Variants in AUTS2 observed in about 807,000 individuals in gnomAD.
AUTS2 encodes autism susceptibility gene 2 protein.
AUTS2 carries 17 observed loss-of-function variants against 112.4 expected under a neutral mutation model. The ratio of observed to expected loss-of-function variants is 0.15; its 90% confidence interval spans 0.10 to 0.23. The LOEUF (loss-of-function observed/expected upper bound fraction) is 0.23. Among genes scored for constraint, AUTS2 ranks in the 10% least tolerant of loss-of-function variants. The pLI is 1.00. For missense variants in AUTS2, 1,510 were observed against 1,701.6 expected, an observed-to-expected ratio of 0.89 and a Z score of 1.98; for synonymous variants, 751 against 702.7, an observed-to-expected ratio of 1.07 and a Z score of -1.09.
intron 2 of AUTS2, among the ~76,000 whole-genome samples, chr7:69,930,130 G>GT (rs1377070388): frequency 6.6e-6 from 1 of 152,158 alleles, no homozygotes; most frequent in Non-Finnish European, 1.5e-5. Context: ...TGAAGTATGA[G>GT]TTTTTTAGTC....
intron 1 of AUTS2, among the ~76,000 whole-genome samples, chr7:69,653,552 A>G (rs1344275068): frequency 1.3e-5 from 2 of 152,160 alleles, no homozygotes; most frequent in East Asian, 1.9e-4. Flanking sequence ...ACACACCTGA[A>G]GCAAGAAATG....
intron 6 of AUTS2, among the ~76,000 whole-genome samples, chr7:70,749,947 G>C (rs933295686): frequency 6.6e-6 from 1 of 152,250 alleles, no homozygotes; most frequent in African/African-American, 2.4e-5. Context: ...TACACTCCAA[G>C]TGACAGCTGT....
chr7:70,343,748 G>T (rs1334853612), intron 4 of AUTS2, among the ~76,000 whole-genome samples: 1 of 152,116 alleles, frequency 6.6e-6, no homozygotes, highest in East Asian at 1.9e-4. Flanking sequence ...AGGGGATTAT[G>T]TTTTCCTAAT....
intron 2 of AUTS2, among the ~76,000 whole-genome samples, chr7:69,940,377 T>A (rs1406731131): frequency 2.6e-5 from 4 of 152,002 alleles, no homozygotes; most frequent in Non-Finnish European, 5.9e-5. Context: ...GAAGGATGAG[T>A]AGGTGCTCTC....
intron 1 of AUTS2, among the ~76,000 whole-genome samples, chr7:69,649,426 A>G (rs978863179): frequency 4.6e-5 from 7 of 152,140 alleles, no homozygotes. Context: ...CTTAACTCTT[A>G]AAGAGTGGAC....
At position 70,053,544 on chromosome 7, in the gene AUTS2, G is replaced by GTTTTTT. The variant is rs200867539; in HGVS notation, c.523-64581_523-64576dup. Among the ~76,000 whole-genome samples, 346 of 127,828 alleles carry GTTTTTT rather than the reference G, an allele frequency of 2.7e-3. 15 individuals carry two copies. The highest frequency in any genetic ancestry group is 4.2e-3 in the Middle Eastern group (1 of 238). 83.9% of individuals were successfully genotyped at this position (127,828 alleles called of 152,430 possible). ...ATTGTGGCAACCACTGTTTTGGGTG[G>GTTTTTT]TTTTTTTTTTTTGGAGACAGGATCT... On this transcript the variant is annotated intron_variant, in intron 2 of 18. Coordinates refer to ENST00000342771, the MANE Select transcript of AUTS2 (RefSeq NM_015570.4).
intron 4 of AUTS2, among the ~76,000 whole-genome samples, chr7:70,229,592 A>T (rs763749173): frequency 5.3e-5 from 8 of 152,094 alleles, no homozygotes; most frequent in African/African-American, 1.9e-4. Context: ...TAATTTTGGA[A>T]GTTTAGATTA....
intron 2 of AUTS2, among the ~76,000 whole-genome samples, chr7:70,020,662 T>C (rs1237762809): frequency 6.6e-6 from 1 of 151,976 alleles, no homozygotes; most frequent in East Asian, 1.9e-4. Context: ...TAGGACCTTT[T>C]TTCTTCTTTC....
chr7:70,624,896 A>G (rs1410297190), intron 5 of AUTS2, among the ~76,000 whole-genome samples: 1 of 152,094 alleles, frequency 6.6e-6, no homozygotes, highest in African/African-American at 2.4e-5. Context: ...GTAAGTCCCC[A>G]TAGGTTTTTT....
At chr7:69,832,317 G>A (rs1258383994) in intron 1 of AUTS2, among the ~76,000 whole-genome samples, 1 of 152,156 alleles carries the variant, frequency 6.6e-6, no homozygotes, top group Non-Finnish European at 1.5e-5. Context: ...TTTGAATATG[G>A]GAATGGGTTC....
At chr7:69,651,988 CAG>C (rs1254604488) in intron 1 of AUTS2, among the ~76,000 whole-genome samples, 3 of 152,158 alleles carry the variant, frequency 2.0e-5, no homozygotes, top group Non-Finnish European at 4.4e-5. Flanking sequence ...TCCCCACTGA[CAG>C]AATGCAGGGA....
chr7:69,953,223 A>G (rs972918417), intron 2 of AUTS2, among the ~76,000 whole-genome samples: 3 of 152,066 alleles, frequency 2.0e-5, no homozygotes, highest in African/African-American at 4.8e-5. Context: ...TTCCCTAAGC[A>G]CACTAGACAC....
chr7:69,727,609 A>G (rs1786580331), intron 1 of AUTS2, among the ~76,000 whole-genome samples: 1 of 152,116 alleles, frequency 6.6e-6, no homozygotes, highest in Non-Finnish European at 1.5e-5. Flanking sequence ...AATAAAAAAA[A>G]TAAAAAATCA....
At chr7:70,365,837 TCCTGA>T (rs1792544729) in intron 4 of AUTS2, among the ~76,000 whole-genome samples, 1 of 152,258 alleles carries the variant, frequency 6.6e-6, no homozygotes, top group African/African-American at 2.4e-5. Context: ...CCAGATTTGT[TCCTGA>T]CCAGATTGGT....
intron 1 of AUTS2, among the ~76,000 whole-genome samples, chr7:69,688,649 C>A (rs1797166120): frequency 6.6e-6 from 1 of 152,130 alleles, no homozygotes; most frequent in South Asian, 2.1e-4. Context: ...TATTTTCCTT[C>A]TAGCTATTTG....
intron 2 of AUTS2, among the ~76,000 whole-genome samples, chr7:69,927,908 C>A (rs547455092): frequency 6.6e-6 from 1 of 152,338 alleles, no homozygotes; most frequent in South Asian, 2.1e-4. Flanking sequence ...TACCGGGCTA[C>A]CTGAAGGGCT....
At chr7:70,203,061 T>C (rs1810372333) in intron 4 of AUTS2, among the ~76,000 whole-genome samples, 1 of 145,878 alleles carries the variant, frequency 6.9e-6, no homozygotes, top group Non-Finnish European at 1.5e-5. Context: ...ATGGATGAAA[T>C]TGGAAACCAT....
chr7:70,036,537 T>C (rs1171067120), intron 2 of AUTS2, among the ~76,000 whole-genome samples: 1 of 152,354 alleles, frequency 6.6e-6, no homozygotes, highest in East Asian at 1.9e-4. Context: ...ACCTTGTTTC[T>C]CCTCTCTCTG....
intron 6 of AUTS2, among the ~76,000 whole-genome samples, chr7:70,707,383 A>T (rs549254350): frequency 1.6e-4 from 25 of 152,294 alleles, no homozygotes; most frequent in Admixed American, 1.2e-3. Context: ...TCGCGCACCT[A>T]GTAAGTGGTG....
Sources: gnomAD v4.1 joint callset for allele counts (sites outside exome capture counted in the v4.1 genomes callset) on GRCh38, gnomAD v4.1.1 for gene constraint, MANE v1.5 for transcripts, NCBI Gene and HGNC (gene_info 2026-07-23, HGNC 2026-07-21) for gene names.